FUBP3: variants seen among roughly 807,000 people sequenced by gnomAD.
The protein encoded by FUBP3 is far upstream element binding protein 3.
Under a neutral mutation model 85.6 loss-of-function variants are expected in FUBP3, and 28 were observed. That is an observed-to-expected ratio of 0.33 (90% CI 0.24 to 0.45). FUBP3 has a LOEUF of 0.45. Ranked by LOEUF, FUBP3 falls within the 20% of genes least tolerant of loss-of-function variation. FUBP3 has a pLI of 1.00. For synonymous variants in FUBP3, 271 were observed against 271.4 expected (o/e 1.00, Z 0.01); for missense variants, 583 against 755.1 (o/e 0.77, Z 2.67).
In FUBP3 at chr9:130,636,288, A is replaced by G. The variant is rs1247272852; in HGVS notation, c.1710+162A>G. 18 of 753,892 alleles carry G rather than the reference A, an allele frequency of 2.4e-5. No homozygotes were observed. In the East Asian group the frequency reaches 4.8e-4, roughly 20 times the overall value. The allele number at this position is 753,892 out of a possible 1,614,324, so 46.7% of individuals were successfully genotyped here. A position where few individuals can be genotyped will look rare whatever the true frequency, so the allele number is the denominator to read the frequency against. The stretch of plus-strand genomic sequence containing the variant: ...CTGCTTCTGCTGAGAGCCCGGCTCC[A>G]GCCCCTCTGTCCCTCCTCGCTCTGG... On this transcript the variant is annotated intron_variant, in intron 18 of 18. Transcript: ENST00000319725.
intron 11 of FUBP3, among the ~76,000 whole-genome samples, chr9:130,623,954 A>G (rs929977571): frequency 5.3e-5 from 8 of 152,312 alleles, no homozygotes; most frequent in African/African-American, 9.6e-5. Context: ...GTTTCTGGCT[A>G]TTTAAACCAT....
At chr9:130,628,265 C>T (rs866063681) in intron 12 of FUBP3, among the ~76,000 whole-genome samples, 1 of 152,202 alleles carries the variant, frequency 6.6e-6, no homozygotes. Flanking sequence ...CTCCCTGGCC[C>T]CTGCTGGATT....
chr9:130,579,809 G>C, intron 1 of FUBP3, 45 bp downstream of exon 1: 1 of 1,174,582 alleles, frequency 8.5e-7, no homozygotes, highest in Middle Eastern at 3.1e-4. Context: ...CCCGAGGCGG[G>C]GCCTGGCGGG....
At chr9:130,585,373 G>A (rs1830299067) in intron 1 of FUBP3, among the ~76,000 whole-genome samples, 1 of 152,130 alleles carries the variant, frequency 6.6e-6, no homozygotes. Flanking sequence ...TTATCTTTTT[G>A]TAAATTGTGA....
intron 8 of FUBP3, among the ~76,000 whole-genome samples, chr9:130,618,645 C>G (rs970711543): frequency 6.6e-6 from 1 of 152,232 alleles, no homozygotes; most frequent in Non-Finnish European, 1.5e-5. Context: ...CTGCCACCTG[C>G]AGCCTGTCTT....
chr9:130,622,044 C>T (rs368541662), intron 9 of FUBP3, among the ~76,000 whole-genome samples: 61 of 152,034 alleles, frequency 4.0e-4, no homozygotes, highest in African/African-American at 1.4e-3. Flanking sequence ...TGTCCTGGGC[C>T]GGGCGTGGTG....
chr9:130,610,119 C>T (rs1171537503), intron 3 of FUBP3, 132 bp downstream of exon 3: 21 of 717,054 alleles, frequency 2.9e-5, no homozygotes, highest in Non-Finnish European at 4.3e-5. Context: ...CTTTAAGACT[C>T]GAGTTTTTTG....
chr9:130,620,198 C>T (rs958402142), intron 8 of FUBP3, among the ~76,000 whole-genome samples, 156 bp from the exon 9 acceptor site: 3 of 152,206 alleles, frequency 2.0e-5, no homozygotes, highest in African/African-American at 7.2e-5. Flanking sequence ...ACGATACACA[C>T]ATCCCCCTAC....
intron 1 of FUBP3, chr9:130,580,527 C>G (rs1405304692): frequency 6.6e-6 from 1 of 152,222 alleles, no homozygotes; most frequent in Non-Finnish European, 1.5e-5. Flanking sequence ...CTAAAACTTA[C>G]TTACAAGTCA....
intron 1 of FUBP3, 147 bp from the exon 2 acceptor site, chr9:130,595,336 A>T: frequency 3.6e-6 from 2 of 558,742 alleles, no homozygotes; most frequent in Non-Finnish European, 6.5e-6. Flanking sequence ...AACAGTGAAA[A>T]GTATTTGTGC....
intron 1 of FUBP3, among the ~76,000 whole-genome samples, chr9:130,583,617 T>C (rs909857417): frequency 8.5e-5 from 13 of 152,188 alleles, no homozygotes; most frequent in Non-Finnish European, 1.8e-4. Context: ...ATTTTAGCTT[T>C]CATAAACACT....
chr9:130,608,097 C>A (rs894547774), intron 2 of FUBP3, among the ~76,000 whole-genome samples: 6 of 152,188 alleles, frequency 3.9e-5, no homozygotes, highest in Non-Finnish European at 7.3e-5. Context: ...TCAGGAAGTT[C>A]TTTATGGTAG....
chr9:130,590,021 ATTTTTTT>A (rs60878897), intron 1 of FUBP3, among the ~76,000 whole-genome samples: 63 of 45,990 alleles, frequency 1.4e-3, no homozygotes, highest in African/African-American at 5.2e-3. Flanking sequence ...GGCCTATTTA[ATTTTTTT>A]TTTTTTTTTT....
Position 130,616,488 on chromosome 9 carries a change from AGAG to A in FUBP3, c.543_545del (p.Gly182del). ...ATCTAAAGTGGGTCTGGTCATCGGC[AGAG>A]GAGGGGAAACAATCAAGCAGTTGCA... On this transcript the variant is annotated inframe_deletion, in exon 7 of 19. Transcript: ENST00000319725. The surrounding 1 kb of genome is among the most constrained non-coding windows in gnomAD (Gnocchi z 4.7). 6.2e-7 allele frequency: 1 copy of A among 1,614,148 alleles called. No individual in the cohort carries two copies. Among genetic ancestry groups the A allele is most frequent in the Non-Finnish European group, 8.5e-7 (1 of 1,180,006 alleles).
intron 1 of FUBP3, 145 bp downstream of exon 1, chr9:130,579,909 C>T: frequency 2.1e-6 from 1 of 466,286 alleles, no homozygotes; most frequent in Non-Finnish European, 3.4e-6. Context: ...TTCCTACAGC[C>T]GGGAGGAGCC....
At chr9:130,610,065 A>G in intron 3 of FUBP3, 78 bp downstream of exon 3, 1 of 1,133,260 alleles carries the variant, frequency 8.8e-7, no homozygotes, top group South Asian at 1.3e-5. Context: ...CTAGAGTGCT[A>G]GAAAGTCAGA....
chr9:130,600,105 C>CTCCCTCCT (rs1831079877), intron 2 of FUBP3, among the ~76,000 whole-genome samples: 1 of 148,094 alleles, frequency 6.8e-6, no homozygotes, highest in Admixed American at 6.7e-5. Flanking sequence ...TCCTTCCTCC[C>CTCCCTCCT]TCCCTCCCTC....
At chr9:130,631,851 G>A (rs575663969) in intron 14 of FUBP3, 91 bp from the exon 15 acceptor site, 37 of 993,120 alleles carry the variant, frequency 3.7e-5, no homozygotes, top group Admixed American at 3.5e-4. Flanking sequence ...CTTCTGTCCC[G>A]ACTGCCCCCT....
In FUBP3 at chr9:130,622,734, G is replaced by T; in HGVS notation, c.798G>T (p.Gly266=). 1 of 1,596,116 alleles carries T rather than the reference G, an allele frequency of 6.3e-7. No individual in the cohort carries two copies. The highest frequency in any genetic ancestry group is 8.6e-7 in the Non-Finnish European group (1 of 1,166,120). ...TATCTGTGCCTAGGTTTGCTGTGGG[G>T]ATTGTAATAGGAAGAAACGGGGAAA... ...IEVSVPRFAV[G]IVIGRNGEMI... is the part of the protein sequence containing the mutation. Residue 266 remains glycine (G), a synonymous_variant, in exon 10 of 19, where the codon GGG becomes GGT. Transcript: ENST00000319725.
Sources: allele counts gnomAD v4.1 joint callset (sites outside exome capture counted in the v4.1 genomes callset), GRCh38; gene constraint gnomAD v4.1.1; non-coding constraint Gnocchi (gnomAD v3.1); transcripts MANE v1.5; gene names NCBI Gene and HGNC (gene_info 2026-07-23, HGNC 2026-07-21).